MICAL3: variants seen among roughly 807,000 people sequenced by gnomAD.
MICAL3 encodes microtubule associated monooxygenase, calponin and LIM domain containing 3.
Under a neutral mutation model 207.4 loss-of-function variants are expected in MICAL3, and 62 were observed. That is an observed-to-expected ratio of 0.30 (90% CI 0.24 to 0.37). The LOEUF is 0.37. Ranked by LOEUF, MICAL3 falls within the 10% of genes least tolerant of loss-of-function variation. MICAL3 has a pLI of 1.00. For synonymous variants in MICAL3, 1,077 were observed against 1,069.3 expected (o/e 1.01, Z -0.14); for missense variants, 2,368 against 2,635.6 (o/e 0.90, Z 2.22).
At chr22:17,873,050 C>T (rs1927888250) in intron 16 of MICAL3, among the ~76,000 whole-genome samples, 1 of 152,198 alleles carries the variant, frequency 6.6e-6, no homozygotes, top group Non-Finnish European at 1.5e-5. Context: ...CGTCAGTGTC[C>T]ACGCAGGGGT....
At chr22:17,995,909 C>T (rs1023834578) in intron 1 of MICAL3, among the ~76,000 whole-genome samples, 3 of 151,826 alleles carry the variant, frequency 2.0e-5, no homozygotes, top group African/African-American at 7.3e-5. Context: ...ACCTGTAATC[C>T]CAGCACTTTG....
chr22:17,937,134 TC>T (rs1365401831), intron 1 of MICAL3, among the ~76,000 whole-genome samples: 1 of 152,360 alleles, frequency 6.6e-6, no homozygotes, highest in Admixed American at 6.5e-5. Context: ...TGAAATAACA[TC>T]CTGAGTCGCA....
chr22:17,816,816 C>A lies in MICAL3; in HGVS notation c.5351-32G>T, dbSNP rs897809032. ...AGAGAGGGAGGCCACGTGAGGACAG[C>A]GCCAGACAGCAGGCGCAGCCCTCTC... On this transcript the variant is annotated intron_variant, in intron 26 of 31. Transcript: ENST00000441493. The A allele has an allele frequency of 8.7e-6, 13 of 1,487,688 alleles. 1 individual carries two copies. The Admixed American group carries it at 2.2e-4, about 25-fold the overall frequency. The allele number at this position is 1,487,688 out of a possible 1,614,324, so 92.2% of individuals were successfully genotyped here. A position where few individuals can be genotyped will look rare whatever the true frequency, so the allele number is the denominator to read the frequency against.
intron 1 of MICAL3, among the ~76,000 whole-genome samples, chr22:17,957,497 GCCAGGAATTCTAGA>G (rs1934674068): frequency 6.6e-6 from 1 of 152,118 alleles, no homozygotes; most frequent in African/African-American, 2.4e-5. Flanking sequence ...ATCACTTGAG[GCCAGGAATTCTAGA>G]CCAGTCTGGG....
rs964764125 is a variant in MICAL3 at position 17,822,112 on chromosome 22, T to C, written c.3366A>G (p.Pro1122=). The change falls in exon 24 of 32, where the codon CCA becomes CCG. Residue 1122 remains proline (P), a synonymous_variant. Coordinates refer to ENST00000441493, the MANE Select transcript of MICAL3 (RefSeq NM_015241.3). ...GCTCCAGCTCTGCTTCCCCCTCAGC[T>C]GGGCACGGCAAACGCAGCTCTCTGT... ...DADRELRLPC[P]AEGEAELELR... 17 of 1,613,770 alleles carry C rather than the reference T, an allele frequency of 1.1e-5. No individual in the cohort carries two copies. In the African/African-American group the frequency reaches 2.0e-4, roughly 19 times the overall value.
chr22:17,934,070 C>T (rs916217282), intron 1 of MICAL3, among the ~76,000 whole-genome samples: 24 of 152,194 alleles, frequency 1.6e-4, no homozygotes, highest in Non-Finnish European at 2.9e-4. Flanking sequence ...ACCATTCCTT[C>T]TGAAACTATT....
At chr22:18,014,222 T>C (rs1923916572) in intron 1 of MICAL3, among the ~76,000 whole-genome samples, 2 of 152,032 alleles carry the variant, frequency 1.3e-5, no homozygotes, top group East Asian at 3.9e-4. Context: ...GTGCGCATAA[T>C]ACAATCGAAT....
chr22:17,889,223 C>CA lies in MICAL3; in HGVS notation c.1701dup (p.Asp568Ter). 1 of 1,610,022 alleles carries CA rather than the reference C, an allele frequency of 6.2e-7. No homozygotes were observed. Among genetic ancestry groups the CA allele is most frequent in the Non-Finnish European group, 8.5e-7 (1 of 1,176,620 alleles). On this transcript the variant is annotated frameshift_variant, in exon 13 of 32. Transcript: ENST00000441493. LOFTEE classifies it high-confidence loss of function. ...TCCACATTTTGCTCATCCAAAGAAT[C>CA]AAAATCTCTGAGAAACAGGACAAGG...
rs1419342957 is a variant in MICAL3 at position 17,801,433 on chromosome 22, G to T, written c.5650+7411C>A. On this transcript the variant is annotated intron_variant, in intron 29 of 31. Transcript: ENST00000441493. ...CTCCCAAAGTGCTGGGATTACAGGCGTGAGCCACCGCGCCCGGCCTCCTGA... is the reference window on the plus strand; with the variant it reads ...CTCCCAAAGTGCTGGGATTACAGGCTTGAGCCACCGCGCCCGGCCTCCTGA... 6.0e-5 allele frequency among the ~76,000 whole-genome samples: 3 copies of T among 49,946 alleles called. 1 individual carries two copies. The highest frequency in any genetic ancestry group is 4.8e-4 in the Admixed American group (3 of 6,248). The allele number at this position is 49,946 out of a possible 152,430, so 32.8% of individuals were successfully genotyped here.
At chr22:17,999,373 A>T (rs1922670066) in intron 1 of MICAL3, among the ~76,000 whole-genome samples, 1 of 152,160 alleles carries the variant, frequency 6.6e-6, no homozygotes, top group Admixed American at 6.5e-5. Flanking sequence ...CTACCACAGA[A>T]ATGTCTGGAG....
chr22:17,903,848 A>C (rs956884740), intron 3 of MICAL3, among the ~76,000 whole-genome samples: 1 of 152,244 alleles, frequency 6.6e-6, no homozygotes, highest in East Asian at 1.9e-4. Context: ...CATCTGGAGA[A>C]GCTCAGAACA....
intron 1 of MICAL3, among the ~76,000 whole-genome samples, chr22:18,003,032 C>T (rs184650522): frequency 8.0e-4 from 122 of 151,828 alleles, no homozygotes; most frequent in Admixed American, 3.0e-3. Flanking sequence ...TGGTGGTGGG[C>T]GCCTGTAGTC....
At chr22:17,854,813 G>A (rs1009998829) in intron 19 of MICAL3, among the ~76,000 whole-genome samples, 3 of 152,214 alleles carry the variant, frequency 2.0e-5, no homozygotes, top group African/African-American at 7.2e-5. Context: ...TGAATCTGAT[G>A]GGCTTCTCGC....
At chr22:17,945,908 A>G (rs2146346809) in intron 1 of MICAL3, among the ~76,000 whole-genome samples, 1 of 152,268 alleles carries the variant, frequency 6.6e-6, no homozygotes, top group East Asian at 1.9e-4. Flanking sequence ...GAAGGGCCAT[A>G]GAAACTGAAG....
At chr22:17,876,811 G>GGCAGTTAT (rs1928482331) in intron 16 of MICAL3, 5 of 40,606 alleles carry the variant, frequency 1.2e-4, no homozygotes, top group Admixed American at 7.0e-4. Flanking sequence ...ATGGAGGTTA[G>GGCAGTTAT]GGAGGTTAGG....
rs73384530 is a variant in MICAL3 at position 17,833,056 on chromosome 22, C to T, written c.2802-949G>A. On this transcript the variant is annotated intron_variant, in intron 20 of 31. Transcript: ENST00000441493. ...GGCAAGCGTGGCCGACATAGGAAGC[C>T]GCACACCTGTAAGAATGCACATGCC... Among the ~76,000 whole-genome samples the T allele has an allele frequency of 4.5e-3, 681 of 152,264 alleles. 6 individuals carry two copies. Among genetic ancestry groups the T allele is most frequent in the African/African-American group, 0.016 (651 of 41,552 alleles).
At chr22:17,844,637 G>A (rs944845978) in intron 19 of MICAL3, among the ~76,000 whole-genome samples, 1 of 152,200 alleles carries the variant, frequency 6.6e-6, no homozygotes, top group Non-Finnish European at 1.5e-5. Context: ...TGTGATGAAG[G>A]GGCAAAACAC....
At chr22:17,912,369 A>T (rs1479776386) in intron 1 of MICAL3, among the ~76,000 whole-genome samples, 2 of 87,160 alleles carry the variant, frequency 2.3e-5, no homozygotes, top group African/African-American at 1.5e-4. Flanking sequence ...CTATTTCTGT[A>T]AAAAAAAAAA....
chr22:17,904,828 A>G lies in MICAL3; in HGVS notation c.276T>C (p.Ile92=), dbSNP rs745438101. Reference sequence around the variant, plus strand: ...TACGGAGACCACAGGGGCCAGCCCCAATGATGAGACACTGAAAAACACAGC... The same window carrying G: ...TACGGAGACCACAGGGGCCAGCCCCGATGATGAGACACTGAAAAACACAGC... ...KACTNTKCLI[I]GAGPCGLRTA... Residue 92 remains isoleucine (I), a synonymous_variant, in exon 3 of 32, where the codon ATT becomes ATC. Coordinates refer to ENST00000441493, the MANE Select transcript of MICAL3 (RefSeq NM_015241.3). The G allele has an allele frequency of 6.2e-7, 1 of 1,613,422 alleles. No individual in the cohort carries two copies. The highest frequency in any genetic ancestry group is 1.1e-5 in the South Asian group (1 of 91,074).
Sources: allele counts gnomAD v4.1 joint callset (sites outside exome capture counted in the v4.1 genomes callset), GRCh38; gene constraint gnomAD v4.1.1; transcripts MANE v1.5; gene names NCBI Gene and HGNC (gene_info 2026-07-23, HGNC 2026-07-21).